Variants in TGFBR3 observed in about 807,000 individuals in gnomAD.
TGFBR3 encodes the protein transforming growth factor beta receptor 3.
TGFBR3 carries 46 observed loss-of-function variants against 87.9 expected under a neutral mutation model. The ratio of observed to expected loss-of-function variants is 0.52; its 90% CI spans 0.41 to 0.67. TGFBR3 has a LOEUF of 0.67. TGFBR3 is among the 30% of genes least tolerant of loss of function. The probability of loss-of-function intolerance (pLI) is 0.00; values close to 1 mark genes in which losing one functional copy is unlikely to be tolerated. For synonymous variants in TGFBR3, 381 were observed against 391.6 expected (o/e 0.97, Z 0.32); for missense variants, 866 against 1,041.9 (o/e 0.83, Z 2.32).
chr1:91,746,276 T>G (rs1673343303), intron 4 of TGFBR3, among the ~76,000 whole-genome samples: 1 of 152,190 alleles, frequency 6.6e-6, no homozygotes, highest in Non-Finnish European at 1.5e-5. Context: ...GCAAAAGATG[T>G]CTTTCCATCT....
chr1:91,893,290 C>CT (rs1303333976), intron 2 of TGFBR3, among the ~76,000 whole-genome samples: 5 of 135,744 alleles, frequency 3.7e-5, no homozygotes, highest in Non-Finnish European at 5.1e-5. Context: ...TAACTTGTAA[C>CT]TATTTTTTTT....
intron 3 of TGFBR3, among the ~76,000 whole-genome samples, chr1:91,786,552 A>G (rs1339517298): frequency 1.3e-5 from 2 of 152,106 alleles, no homozygotes; most frequent in African/African-American, 4.8e-5. Flanking sequence ...GGAGTTCAAG[A>G]CCAGCCTGGC....
chr1:91,713,381 C>T (rs1266925112), intron 12 of TGFBR3, among the ~76,000 whole-genome samples: 1 of 152,186 alleles, frequency 6.6e-6, no homozygotes, highest in African/African-American at 2.4e-5. Flanking sequence ...CTATCCTGAA[C>T]TTAGCTAAAA....
chr1:91,768,043 T>C (rs1674242819), intron 3 of TGFBR3, among the ~76,000 whole-genome samples: 1 of 151,872 alleles, frequency 6.6e-6, no homozygotes, highest in Admixed American at 6.6e-5. Context: ...AGAAACCCCG[T>C]CTCTATTAAA....
chr1:91,683,227 A>C lies in TGFBR3; in HGVS notation c.*512T>G. 2.2e-6 allele frequency: 1 copy of C among 454,688 alleles called. No homozygotes were observed. The highest frequency in any genetic ancestry group is 1.6e-5 in the South Asian group (1 of 64,484). The allele number at this position is 454,688 out of a possible 1,614,324, so 28.2% of individuals were successfully genotyped here. A position where few individuals can be genotyped will look rare whatever the true frequency, so the allele number is the denominator to read the frequency against. Reference sequence around the variant, plus strand: ...AAGGTCAGAAGTGTGCATCCAGACAAAGGTGCAAATTAGACAGGAGGATCG... The same window carrying C: ...AAGGTCAGAAGTGTGCATCCAGACACAGGTGCAAATTAGACAGGAGGATCG... On this transcript the variant is annotated 3_prime_UTR_variant, in exon 17 of 17. Transcript: ENST00000212355.
chr1:91,795,362 T>C (rs1427887368), intron 3 of TGFBR3, among the ~76,000 whole-genome samples: 3 of 152,238 alleles, frequency 2.0e-5, no homozygotes, highest in Non-Finnish European at 4.4e-5. Context: ...CTCTTTCTTT[T>C]CTTCCTCACT....
chr1:91,744,599 C>T (rs1050573410), intron 4 of TGFBR3, among the ~76,000 whole-genome samples: 2 of 152,134 alleles, frequency 1.3e-5, no homozygotes, highest in African/African-American at 2.4e-5. Context: ...TCAAGCCCAA[C>T]GCTTCCCAAA....
At chr1:91,886,713 T>G (rs1385074280), upstream of TGFBR3, among the ~76,000 whole-genome samples, 2 of 152,190 alleles carry the variant, frequency 1.3e-5, no homozygotes, top group Non-Finnish European at 2.9e-5. Flanking sequence ...CGGTCCCGCT[T>G]GTTGTCACGC....
intron 3 of TGFBR3, among the ~76,000 whole-genome samples, chr1:91,789,618 C>T (rs959678239): frequency 4.6e-5 from 7 of 152,188 alleles, no homozygotes; most frequent in Non-Finnish European, 8.8e-5. Context: ...CCGGTGTTTG[C>T]TATTACCTCT....
chr1:91,895,122 C>T (rs563840874), intron 2 of TGFBR3, among the ~76,000 whole-genome samples: 7 of 152,206 alleles, frequency 4.6e-5, no homozygotes, highest in Admixed American at 6.5e-5. Context: ...CTTGAATCTG[C>T]GTCCTCATCC....
intron 4 of TGFBR3, among the ~76,000 whole-genome samples, chr1:91,739,893 G>C (rs1438339568): frequency 6.6e-6 from 1 of 152,194 alleles, no homozygotes. Context: ...GCAGGAGGAA[G>C]AGAGGGAGTG....
At chr1:91,772,826 T>C (rs187865083) in intron 3 of TGFBR3, among the ~76,000 whole-genome samples, 1 of 152,340 alleles carries the variant, frequency 6.6e-6, no homozygotes, top group Non-Finnish European at 1.5e-5. Context: ...GCATCTTCAG[T>C]ACACATTTCA....
At chr1:91,897,558 G>A (rs770642971) in intron 2 of TGFBR3, among the ~76,000 whole-genome samples, 13 of 152,160 alleles carry the variant, frequency 8.5e-5, no homozygotes, top group South Asian at 2.1e-4. Flanking sequence ...CCAAATGGCC[G>A]AAAGGTCAAA....
rs150555161 is a variant in TGFBR3, at chr1:91,842,692, C to A, written c.61+18779G>T. The stretch of plus-strand genomic sequence containing the variant: ...AAGGTTGTTCTAGCTCTCTCTCCCC[C>A]TCTTTTCCTACACATATATATTGTC... On this transcript the variant is annotated intron_variant, in intron 2 of 16. Transcript: ENST00000212355. Among the ~76,000 whole-genome samples, 1,148 of 152,302 alleles carry A rather than the reference C, an allele frequency of 7.5e-3. 16 individuals carry two copies. The highest frequency in any genetic ancestry group is 0.026 in the African/African-American group (1,077 of 41,556).
intron 1 of TGFBR3, among the ~76,000 whole-genome samples, chr1:91,884,637 C>A (rs1679224524): frequency 6.6e-6 from 1 of 152,190 alleles, no homozygotes; most frequent in Non-Finnish European, 1.5e-5. Flanking sequence ...TGATCTTGGA[C>A]AAGTAACTTA....
intron 2 of TGFBR3, among the ~76,000 whole-genome samples, chr1:91,817,182 C>A (rs1676264401): frequency 6.6e-6 from 1 of 152,196 alleles, no homozygotes; most frequent in South Asian, 2.1e-4. Context: ...AGGCCTAACT[C>A]CAGCTGGCAG....
chr1:91,727,816 G>A lies in TGFBR3; in HGVS notation c.738-10C>T. The A allele has an allele frequency of 6.2e-7, 1 of 1,613,492 alleles. No homozygotes were observed. Among genetic ancestry groups the A allele is most frequent in the South Asian group, 1.1e-5 (1 of 91,060 alleles). On this transcript the variant is annotated splice_polypyrimidine_tract_variant and intron_variant, in intron 6 of 16. Transcript: ENST00000212355. ...ATCCACCTGGAAAGCACTGTGAATG[G>A]AAGACAAAGGCAAAGTTAAGACCTA...
intron 4 of TGFBR3, among the ~76,000 whole-genome samples, chr1:91,738,343 A>AT (rs1460205238): frequency 1.3e-5 from 2 of 152,102 alleles, no homozygotes; most frequent in Non-Finnish European, 2.9e-5. Context: ...CCTAAATCTC[A>AT]TGTTGAATGG....
At chr1:91,729,061 CACACACACACACACA>C (rs1672654876) in intron 6 of TGFBR3, among the ~76,000 whole-genome samples, 1 of 128,648 alleles carries the variant, frequency 7.8e-6, no homozygotes. Flanking sequence ...CACACACACA[CACACACACACACACA>C]CCAAGCACAC....
Sources: gnomAD v4.1 joint callset for allele counts (sites outside exome capture counted in the v4.1 genomes callset) on GRCh38, gnomAD v4.1.1 for gene constraint, MANE v1.5 for transcripts, NCBI Gene and HGNC (gene_info 2026-07-23, HGNC 2026-07-21) for gene names.